ATXN2: variants seen among roughly 807,000 people sequenced by gnomAD.
ATXN2 encodes ataxin 2, also known as ataxin-2.
A neutral mutation model predicts 138.6 loss-of-function variants in ATXN2; 37 were observed. That is an observed-to-expected ratio of 0.27 (90% confidence interval 0.21 to 0.35). The LOEUF (loss-of-function observed/expected upper bound fraction) is 0.35. Ranked by LOEUF, ATXN2 falls within the 10% of genes least tolerant of loss-of-function variation. The probability of loss-of-function intolerance (pLI) is 1.00; values close to 1 mark genes in which losing one functional copy is unlikely to be tolerated. For missense variants in ATXN2, 1,216 were observed against 1,480.3 expected, an observed-to-expected ratio of 0.82 and a Z score of 2.93; for synonymous variants, 549 against 543.7, an observed-to-expected ratio of 1.01 and a Z score of -0.13.
intron 18 of ATXN2, among the ~76,000 whole-genome samples, chr12:111,480,680 A>T (rs2135690314): frequency 6.6e-6 from 1 of 152,278 alleles, no homozygotes; most frequent in South Asian, 2.1e-4. Context: ...ATAAACAAAC[A>T]AACAATTTAA....
chr12:111,494,477 G>T (rs893933949), intron 14 of ATXN2, among the ~76,000 whole-genome samples: 2 of 150,686 alleles, frequency 1.3e-5, no homozygotes, highest in East Asian at 3.9e-4. Flanking sequence ...CCAGGCTGGG[G>T]TGCAGTGGCA....
At chr12:111,508,485 C>T (rs1443602533) in intron 14 of ATXN2, among the ~76,000 whole-genome samples, 4 of 121,072 alleles carry the variant, frequency 3.3e-5, no homozygotes, top group Non-Finnish European at 4.8e-5. Context: ...CTTGCTCTGT[C>T]GCCCAGGATG....
At chr12:111,562,554 C>T (rs375980166) in intron 1 of ATXN2, among the ~76,000 whole-genome samples, 3 of 151,910 alleles carry the variant, frequency 2.0e-5, no homozygotes, top group South Asian at 4.2e-4. Flanking sequence ...AATCCTGTCT[C>T]TACTGAACAT....
At chr12:111,493,251 C>G (rs1878162109) in intron 14 of ATXN2, among the ~76,000 whole-genome samples, 1 of 151,792 alleles carries the variant, frequency 6.6e-6, no homozygotes, top group Admixed American at 6.6e-5. Flanking sequence ...AAAACCCCGT[C>G]TTTACTAAAA....
At chr12:111,582,986 TTTG>T (rs1336026051) in intron 1 of ATXN2, among the ~76,000 whole-genome samples, 242 of 100,030 alleles carry the variant, frequency 2.4e-3, no homozygotes, top group African/African-American at 9.9e-3. Context: ...AGTTTTTTTT[TTTG>T]TTTGTTTTTT....
chr12:111,497,943 G>A (rs575301784), intron 14 of ATXN2, among the ~76,000 whole-genome samples: 30 of 152,254 alleles, frequency 2.0e-4, no homozygotes, highest in African/African-American at 7.2e-4. Flanking sequence ...ATGAACCCAG[G>A]AGGTGGAGCT....
At chr12:111,593,256 G>A (rs1884770519) in intron 1 of ATXN2, among the ~76,000 whole-genome samples, 1 of 151,796 alleles carries the variant, frequency 6.6e-6, no homozygotes, top group Admixed American at 6.6e-5. Context: ...ACCATGCCCG[G>A]CTAATTTTTG....
At chr12:111,578,584 T>C (rs1883814682) in intron 1 of ATXN2, among the ~76,000 whole-genome samples, 1 of 152,184 alleles carries the variant, frequency 6.6e-6, no homozygotes, top group African/African-American at 2.4e-5. Context: ...AAGTAAACTC[T>C]ATATTTGTAC....
In ATXN2 at chr12:111,465,186, T is replaced by A. The variant is rs145210778; in HGVS notation, c.2843-471A>T. 1.9e-3 allele frequency among the ~76,000 whole-genome samples: 289 copies of A among 152,174 alleles called. 1 individual carries two copies. Among genetic ancestry groups the A allele is most frequent in the Middle Eastern group, 0.01 (3 of 294 alleles). On this transcript the variant is annotated intron_variant, in intron 20 of 24. Coordinates refer to ENST00000673436, the MANE Select transcript of ATXN2 (RefSeq NM_001372574.1). ...ATGAATATTATTTCTTATTAAAACATGTCTACATAAAGGGGTAGGGTATTT... is the reference window on the plus strand; with the variant it reads ...ATGAATATTATTTCTTATTAAAACAAGTCTACATAAAGGGGTAGGGTATTT...
chr12:111,457,028 G>A (rs1465143488), intron 22 of ATXN2, among the ~76,000 whole-genome samples, 186 bp downstream of exon 22: 9 of 152,170 alleles, frequency 5.9e-5, no homozygotes, highest in South Asian at 2.1e-4. Context: ...GATTACAGGC[G>A]TGAGCCACTG....
At chr12:111,571,115 AT>A (rs1430317898) in intron 1 of ATXN2, among the ~76,000 whole-genome samples, 1 of 152,248 alleles carries the variant, frequency 6.6e-6, no homozygotes, top group African/African-American at 2.4e-5. Context: ...ATAAGTGAAA[AT>A]AACTTGCCTT....
intron 1 of ATXN2, among the ~76,000 whole-genome samples, chr12:111,584,454 A>G (rs1473195529): frequency 1.3e-5 from 2 of 150,122 alleles, no homozygotes; most frequent in Non-Finnish European, 3.0e-5. Flanking sequence ...GGACTAGTCC[A>G]TAGGCAATGT....
chr12:111,453,143 G>A lies in ATXN2; in HGVS notation c.3440-303C>T. Reference sequence around the variant, plus strand: ...TAGCCAAGCACCAGTATTGCTTTCAGAATAACAGGTCAGACTGTGAAGTAT... The same window carrying A: ...TAGCCAAGCACCAGTATTGCTTTCAAAATAACAGGTCAGACTGTGAAGTAT... On this transcript the variant is annotated intron_variant, in intron 24 of 24. Transcript: ENST00000673436. This position sits in a 1 kb window ranked among gnomAD's most constrained non-coding sequence, Gnocchi z 5.4. The A allele has an allele frequency of 1.7e-6, 2 of 1,207,816 alleles. No individual in the cohort carries two copies. Among genetic ancestry groups the A allele is most frequent in the Non-Finnish European group, 1.0e-6 (1 of 970,346 alleles). The allele number at this position is 1,207,816 out of a possible 1,614,324, so 74.8% of individuals were successfully genotyped here.
chr12:111,459,176 G>A (rs1369239269), intron 21 of ATXN2, among the ~76,000 whole-genome samples: 1 of 152,212 alleles, frequency 6.6e-6, no homozygotes, highest in Non-Finnish European at 1.5e-5. Context: ...GTTTTTAAGA[G>A]TAGTGAACGT....
intron 2 of ATXN2, 112 bp downstream of exon 2, chr12:111,555,771 T>A: frequency 1.1e-6 from 1 of 870,884 alleles, no homozygotes; most frequent in Non-Finnish European, 1.8e-6. Context: ...AGTCAAGTTA[T>A]CTATGACAAA....
At chr12:111,559,349 T>A (rs571358940) in intron 1 of ATXN2, among the ~76,000 whole-genome samples, 186 of 150,872 alleles carry the variant, frequency 1.2e-3, no homozygotes, top group African/African-American at 4.4e-3. Context: ...TCCACCCACC[T>A]CAGCCTCCCA....
intron 18 of ATXN2, among the ~76,000 whole-genome samples, chr12:111,475,168 C>T (rs1406489027): frequency 5.3e-5 from 8 of 151,002 alleles, no homozygotes; most frequent in Non-Finnish European, 8.9e-5. Context: ...GAGCCGAGAT[C>T]GCATCACTGC....
rs369909840 is a variant in ATXN2 at position 111,552,544 on chromosome 12, A to G, written c.421-114T>C. ...ATATGCCTTTGACAAAAATAATCTC[A>G]AGAGAATCATACCCTTTTTCCCAGG... On this transcript the variant is annotated intron_variant, in intron 4 of 24. Coordinates refer to ENST00000673436, the MANE Select transcript of ATXN2 (RefSeq NM_001372574.1). This position sits in a 1 kb window ranked among gnomAD's most constrained non-coding sequence, Gnocchi z 4.1. 296 of 1,064,468 alleles carry G rather than the reference A, an allele frequency of 2.8e-4. 4 individuals are homozygous for G. The South Asian group carries it at 4.7e-3, about 17-fold the overall frequency. 65.9% of individuals were successfully genotyped at this position (1,064,468 alleles called of 1,614,324 possible).
intron 1 of ATXN2, among the ~76,000 whole-genome samples, chr12:111,577,958 G>A (rs773826481): frequency 6.6e-6 from 1 of 152,200 alleles, no homozygotes; most frequent in Non-Finnish European, 1.5e-5. Context: ...CACTTTGGGA[G>A]GCCACGGCGG....
Sources: gnomAD v4.1 joint callset for allele counts (sites outside exome capture counted in the v4.1 genomes callset) on GRCh38, gnomAD v4.1.1 for gene constraint, Gnocchi (gnomAD v3.1) non-coding constraint, MANE v1.5 for transcripts, NCBI Gene and HGNC (gene_info 2026-07-23, HGNC 2026-07-21) for gene names.